CIITA: variants seen among roughly 807,000 people sequenced by gnomAD.
The protein encoded by CIITA is MHC class II transactivator.
CIITA carries 72 observed loss-of-function variants against 115.1 expected under a neutral mutation model. The ratio of observed to expected loss-of-function variants is 0.63; its 90% CI spans 0.52 to 0.76. CIITA has a LOEUF of 0.76. Ranked by LOEUF, CIITA falls within the 30% of genes least tolerant of loss-of-function variation. The probability of loss-of-function intolerance (pLI) is 0.00; values close to 1 mark genes in which losing one functional copy is unlikely to be tolerated. For missense variants in CIITA, 1,617 were observed against 1,463.8 expected (o/e 1.10, Z -1.71); for synonymous variants, 763 against 635.6 (o/e 1.20, Z -3.02).
At chr16:10,903,155 ACT>A (rs1336246284) in intron 8 of CIITA, among the ~76,000 whole-genome samples, 2 of 152,214 alleles carry the variant, frequency 1.3e-5, no homozygotes, top group African/African-American at 4.8e-5. Flanking sequence ...ACAAGAATTC[ACT>A]GTCTCTCTCA....
rs746812168 is a variant in CIITA, at chr16:10,909,239, T to C, written c.2816+52T>C. ...GTTCACGCCATGCAGGTTGAGGACA[T>C]GTAGGACCCATTCTCAAGTTTGTCA... is the stretch of plus-strand genomic sequence containing the variant. On this transcript the variant is annotated intron_variant, in intron 12 of 19. Coordinates refer to ENST00000324288, the MANE Select transcript of CIITA (RefSeq NM_000246.4). 8.8e-6 allele frequency: 14 copies of C among 1,589,990 alleles called. 1 individual carries two copies. In the South Asian group the frequency reaches 1.1e-4, roughly 13 times the overall value.
At chr16:10,871,138 C>T (rs954192830) in intron 1 of CIITA, among the ~76,000 whole-genome samples, 1 of 152,352 alleles carries the variant, frequency 6.6e-6, no homozygotes, top group South Asian at 2.1e-4. Flanking sequence ...GCCTCAGTTT[C>T]CCCATCTATA....
chr16:10,879,240 C>G lies in CIITA; in HGVS notation c.52+1858C>G, dbSNP rs540822858. Among the ~76,000 whole-genome samples, 1 of 152,324 alleles carries G rather than the reference C, an allele frequency of 6.6e-6. No individual in the cohort carries two copies. Among genetic ancestry groups the G allele is most frequent in the East Asian group, 1.9e-4 (1 of 5,180 alleles). Reference sequence around the variant, plus strand: ...TGCGCGGGAACCAGGAGCCGGGAACCCGGAGCTTGGCTTGCTGTGCCCAGA... The same window carrying G: ...TGCGCGGGAACCAGGAGCCGGGAACGCGGAGCTTGGCTTGCTGTGCCCAGA... On this transcript the variant is annotated intron_variant, in intron 1 of 19. Coordinates refer to ENST00000324288, the MANE Select transcript of CIITA (RefSeq NM_000246.4). The surrounding 1 kb of genome is among the most constrained non-coding windows in gnomAD (Gnocchi z 4.3).
In CIITA at chr16:10,934,713, G is replaced by C. The variant is rs898131032; in HGVS notation, c.*10858G>C. On this transcript the variant is annotated 3_prime_UTR_variant, in exon 20 of 20. Transcript: ENST00000324288. This position sits in a 1 kb window ranked among gnomAD's most constrained non-coding sequence, Gnocchi z 4.2. The stretch of plus-strand genomic sequence containing the variant: ...AGGTGATGGAGATGTGGGAGAGGCA[G>C]TTATTTTTAACCACCCAGCCAAGCC... The C allele has an allele frequency of 2.0e-5, 3 of 152,184 alleles. No homozygotes were observed. Among genetic ancestry groups the C allele is most frequent in the African/African-American group, 7.2e-5 (3 of 41,410 alleles). 9.4% of individuals were successfully genotyped at this position (152,184 alleles called of 1,614,324 possible).
chr16:10,906,517 A>G lies in CIITA; in HGVS notation c.1025A>G (p.Tyr342Cys). 1 of 1,611,956 alleles carries G rather than the reference A, an allele frequency of 6.2e-7. No homozygotes were observed. The highest frequency in any genetic ancestry group is 8.5e-7 in the Non-Finnish European group (1 of 1,179,888). The change falls in exon 11 of 20, where the codon TAC becomes TGC. Residue 342 changes from tyrosine (Y) to cysteine (C), a missense_variant. Coordinates refer to ENST00000324288, the MANE Select transcript of CIITA (RefSeq NM_000246.4). ...TTTGCAGAGCCGGTGGAGCAGTTCT[A>G]CCGCTCACTGCAGGACACGTATGGT... ...PKWPEPVEQFYRSLQDTYGAE... is the reference protein window; with the variant it reads ...PKWPEPVEQFCRSLQDTYGAE...
rs1423912153 is a variant in CIITA at position 10,901,974 on chromosome 16, C to T, written c.482-64C>T. 1.1e-5 allele frequency: 18 copies of T among 1,593,672 alleles called. No individual in the cohort carries two copies. The highest frequency in any genetic ancestry group is 1.7e-5 in the Admixed American group (1 of 59,964). On this transcript the variant is annotated intron_variant, in intron 6 of 19. Transcript: ENST00000324288. The surrounding 1 kb of genome is among the most constrained non-coding windows in gnomAD (Gnocchi z 6.8). ...GAGAGACATCCATGCCACTCCAGGG[C>T]CCTCCCCATCCCAGGAAGGCCCCTC...
rs2041103545 is a variant in CIITA at position 10,941,598 on chromosome 16, C to T, written n.724C>T. On this transcript the variant is annotated non_coding_transcript_exon_variant, in exon 2 of 2. Transcript: ENST00000573379. This position sits in a 1 kb window ranked among gnomAD's most constrained non-coding sequence, Gnocchi z 6.4. ...CTCGGAGGCAGGGGAGGGTCTCCTCCTGGGGAACCATCCCCGTCCAGATGG... is the reference window on the plus strand; with the variant it reads ...CTCGGAGGCAGGGGAGGGTCTCCTCTTGGGGAACCATCCCCGTCCAGATGG... The T allele has an allele frequency of 1.3e-6, 2 of 1,485,252 alleles. No homozygotes were observed. Among genetic ancestry groups the T allele is most frequent in the Non-Finnish European group, 8.9e-7 (1 of 1,118,680 alleles). The allele number at this position is 1,485,252 out of a possible 1,614,324, so 92.0% of individuals were successfully genotyped here.
At position 10,923,101 on chromosome 16, in the gene CIITA, C is replaced by G. The variant is rs1161574212; in HGVS notation, c.3318-127C>G. Reference sequence around the variant, plus strand: ...CCCCATGACCCACACCGGTCGGTATCTTGCCAGGGGAAAAGTCCCCAACGT... The same window carrying G: ...CCCCATGACCCACACCGGTCGGTATGTTGCCAGGGGAAAAGTCCCCAACGT... On this transcript the variant is annotated intron_variant, in intron 18 of 19. Transcript: ENST00000324288. This position sits in a 1 kb window ranked among gnomAD's most constrained non-coding sequence, Gnocchi z 5.2. 4 of 823,182 alleles carry G rather than the reference C, an allele frequency of 4.9e-6. No individual in the cohort carries two copies. The highest frequency in any genetic ancestry group is 8.4e-6 in the Non-Finnish European group (4 of 476,900). The allele number at this position is 823,182 out of a possible 1,614,324, so 51.0% of individuals were successfully genotyped here. A position where few individuals can be genotyped will look rare whatever the true frequency, so the allele number is the denominator to read the frequency against.
chr16:10,908,478 T>C, intron 11 of CIITA: 1 of 465,142 alleles, frequency 2.1e-6, no homozygotes, highest in South Asian at 2.0e-5. Context: ...CACCGTTTTC[T>C]TATGCTAAGA....
At chr16:10,905,979 G>A (rs2039120594) in intron 10 of CIITA, among the ~76,000 whole-genome samples, 2 of 151,896 alleles carry the variant, frequency 1.3e-5, no homozygotes, top group Admixed American at 6.5e-5. Flanking sequence ...TTGAGCCCAG[G>A]AGCTCAAGAC....
In CIITA at chr16:10,891,355, A is replaced by G. The variant is rs373216991; in HGVS notation, c.53-3927A>G. The stretch of plus-strand genomic sequence containing the variant: ...CAAGTCACGTCCTTCCCGGGGTCTC[A>G]GTCTTGTCATCTGCAGAGTGAAGGA... On this transcript the variant is annotated intron_variant, in intron 1 of 19. Coordinates refer to ENST00000324288, the MANE Select transcript of CIITA (RefSeq NM_000246.4). 9.2e-5 allele frequency among the ~76,000 whole-genome samples: 14 copies of G among 152,214 alleles called. No homozygotes were observed. In the South Asian group the frequency reaches 2.9e-3, roughly 32 times the overall value.
At chr16:10,904,972 C>T (rs560321398) in intron 10 of CIITA, among the ~76,000 whole-genome samples, 160 bp downstream of exon 10, 44 of 152,272 alleles carry the variant, frequency 2.9e-4, no homozygotes, top group African/African-American at 9.9e-4. Context: ...TTTGATTATG[C>T]CATCATTTCA....
At chr16:10,892,529 C>T (rs1344187034) in intron 1 of CIITA, among the ~76,000 whole-genome samples, 1 of 152,198 alleles carries the variant, frequency 6.6e-6, no homozygotes, top group Non-Finnish European at 1.5e-5. Context: ...CCTTCATCTG[C>T]ATGTCATGTG....
At chr16:10,880,448 C>T (rs12925158) in intron 1 of CIITA, among the ~76,000 whole-genome samples, 4,685 of 152,272 alleles carry the variant, frequency 0.031, 293 homozygotes, top group East Asian at 0.27. Flanking sequence ...GTTACAAAAC[C>T]TCTATCAGAA....
rs984881692 is a variant in CIITA at position 10,935,482 on chromosome 16, G to C, written c.*11627G>C. 3 of 152,344 alleles carry C rather than the reference G, an allele frequency of 2.0e-5. No individual in the cohort carries two copies. The highest frequency in any genetic ancestry group is 4.4e-5 in the Non-Finnish European group (3 of 68,018). The allele number at this position is 152,344 out of a possible 1,614,324, so 9.4% of individuals were successfully genotyped here. Reference sequence around the variant, plus strand: ...AGTGTTTTTATCCATGCCAAGCGATGATGATTTTCTCTTTAGTGACAGACA... The same window carrying C: ...AGTGTTTTTATCCATGCCAAGCGATCATGATTTTCTCTTTAGTGACAGACA... On this transcript the variant is annotated 3_prime_UTR_variant, in exon 20 of 20. Coordinates refer to ENST00000324288, the MANE Select transcript of CIITA (RefSeq NM_000246.4).
At chr16:10,899,422 T>C (rs2038482721) in intron 5 of CIITA, among the ~76,000 whole-genome samples, 1 of 152,200 alleles carries the variant, frequency 6.6e-6, no homozygotes, top group Admixed American at 6.5e-5. Flanking sequence ...TGTCACCTCT[T>C]CCTGGAACCC....
chr16:10,904,223 A>T (rs1224090719), intron 9 of CIITA, among the ~76,000 whole-genome samples: 1 of 151,998 alleles, frequency 6.6e-6, no homozygotes, highest in African/African-American at 2.4e-5. Context: ...TTTTTATTTT[A>T]TTATTTATTT....
intron 13 of CIITA, among the ~76,000 whole-genome samples, chr16:10,913,942 A>AAAAT (rs59779472): frequency 2.1e-3 from 275 of 133,164 alleles, no homozygotes; most frequent in African/African-American, 6.9e-3. Context: ...CCCCATCTCA[A>AAAAT]AAATAAATAA....
chr16:10,932,752 G>C lies in CIITA; in HGVS notation c.*8897G>C, dbSNP rs1267051909. 2 of 143,278 alleles carry C rather than the reference G, an allele frequency of 1.4e-5. No individual in the cohort carries two copies. Among genetic ancestry groups the C allele is most frequent in the African/African-American group, 5.2e-5 (2 of 38,664 alleles). 8.9% of individuals were successfully genotyped at this position (143,278 alleles called of 1,614,324 possible). A position where few individuals can be genotyped will look rare whatever the true frequency, so the allele number is the denominator to read the frequency against. On this transcript the variant is annotated 3_prime_UTR_variant, in exon 20 of 20. Transcript: ENST00000324288. ...GCTTTGTCACCCAGGCTGGAGGGCA[G>C]TGGCATGATCTTGGCTCACTGCAGT...
Sources: allele counts gnomAD v4.1 joint callset (sites outside exome capture counted in the v4.1 genomes callset), GRCh38; gene constraint gnomAD v4.1.1; non-coding constraint Gnocchi (gnomAD v3.1); transcripts MANE v1.5; gene names NCBI Gene and HGNC (gene_info 2026-07-23, HGNC 2026-07-21).